CNTNAP2: variants seen among roughly 807,000 people sequenced by gnomAD.
The protein encoded by CNTNAP2 is contactin-associated protein-like 2.
CNTNAP2 carries 98 observed loss-of-function variants against 155.2 expected under a neutral mutation model. That is an observed-to-expected ratio of 0.63 (90% CI 0.54 to 0.75). The LOEUF is 0.75. Among genes scored for constraint, CNTNAP2 ranks in the 30% least tolerant of loss-of-function variants. The pLI, the probability that CNTNAP2 is intolerant of heterozygous loss-of-function variation, is 0.00. For missense variants in CNTNAP2, 1,727 were observed against 1,688.1 expected (o/e 1.02, Z -0.40); for synonymous variants, 651 against 631.2 (o/e 1.03, Z -0.47).
At chr7:147,120,739 G>A (rs1196219473) in intron 5 of CNTNAP2, among the ~76,000 whole-genome samples, 2 of 150,522 alleles carry the variant, frequency 1.3e-5, no homozygotes, top group African/African-American at 2.4e-5. Context: ...CCACTAACTC[G>A]TCATCTAGCA....
chr7:148,329,422 G>A lies in CNTNAP2; in HGVS notation c.3476-54227G>A, dbSNP rs576392671. Among the ~76,000 whole-genome samples, 530 of 152,290 alleles carry A rather than the reference G, an allele frequency of 3.5e-3. 13 individuals are homozygous for A. The highest frequency in any genetic ancestry group is 4.4e-4 in the Non-Finnish European group (30 of 68,024). On this transcript the variant is annotated intron_variant, in intron 21 of 23. Coordinates refer to ENST00000361727, the MANE Select transcript of CNTNAP2 (RefSeq NM_014141.6). ...TCACGGACAGCCCCCTGTGGACAAGGCATGGTGGCGGGCTGGGGACAGTCT... is the reference window on the plus strand; with the variant it reads ...TCACGGACAGCCCCCTGTGGACAAGACATGGTGGCGGGCTGGGGACAGTCT...
intron 8 of CNTNAP2, among the ~76,000 whole-genome samples, chr7:147,180,730 A>G (rs1295212291): frequency 3.3e-5 from 5 of 152,206 alleles, no homozygotes; most frequent in Non-Finnish European, 5.9e-5. Flanking sequence ...CCTTCATTCA[A>G]TTTTTAACTA....
intron 1 of CNTNAP2, among the ~76,000 whole-genome samples, chr7:146,669,028 A>G (rs1430148366): frequency 6.6e-6 from 1 of 152,154 alleles, no homozygotes; most frequent in African/African-American, 2.4e-5. Context: ...GTTCCTGCAT[A>G]TTCTATAAAT....
intron 9 of CNTNAP2, 75 bp from the exon 10 acceptor site, chr7:147,395,534 T>G (rs1584922762): frequency 2.1e-6 from 3 of 1,431,662 alleles, no homozygotes; most frequent in Non-Finnish European, 2.9e-6. Flanking sequence ...TGTGGCCAGG[T>G]AGAATACCCA....
intron 1 of CNTNAP2, among the ~76,000 whole-genome samples, chr7:146,519,176 T>C (rs1563116878): frequency 6.6e-6 from 1 of 151,838 alleles, no homozygotes; most frequent in African/African-American, 2.4e-5. Flanking sequence ...TGAGTATTGA[T>C]AATATAAGGC....
At chr7:147,093,267 A>G (rs1037387321) in intron 4 of CNTNAP2, among the ~76,000 whole-genome samples, 2 of 151,028 alleles carry the variant, frequency 1.3e-5, no homozygotes, top group Admixed American at 1.3e-4. Flanking sequence ...AAAGAAAAAG[A>G]AAAGGTGTAC....
intron 2 of CNTNAP2, among the ~76,000 whole-genome samples, chr7:146,798,466 TGGGTA>T (rs938407326): frequency 2.6e-5 from 4 of 152,022 alleles, no homozygotes; most frequent in Non-Finnish European, 5.9e-5. Flanking sequence ...CTCAGCCTCC[TGGGTA>T]GCTGGGATTA....
chr7:147,124,443 G>A (rs951535504), intron 6 of CNTNAP2, among the ~76,000 whole-genome samples: 6 of 152,138 alleles, frequency 3.9e-5, no homozygotes. Context: ...CTGATATATA[G>A]CATTTGTTAA....
At chr7:146,590,019 T>C (rs1798757151) in intron 1 of CNTNAP2, among the ~76,000 whole-genome samples, 2 of 152,210 alleles carry the variant, frequency 1.3e-5, no homozygotes, top group Admixed American at 1.3e-4. Context: ...CTTCTGACTC[T>C]GTCTACGGAG....
chr7:148,137,293 A>G (rs1321069896), intron 16 of CNTNAP2, among the ~76,000 whole-genome samples: 1 of 152,240 alleles, frequency 6.6e-6, no homozygotes, highest in Non-Finnish European at 1.5e-5. Context: ...TTGGTTATGC[A>G]TCTCTTGTGA....
intron 15 of CNTNAP2, among the ~76,000 whole-genome samples, chr7:148,109,970 T>C (rs1235792688): frequency 1.3e-5 from 2 of 152,136 alleles, no homozygotes; most frequent in Non-Finnish European, 2.9e-5. Context: ...CAGACCCCCA[T>C]TAAACTTGTT....
intron 8 of CNTNAP2, among the ~76,000 whole-genome samples, chr7:147,254,291 C>G (rs1472461714): frequency 6.6e-6 from 1 of 152,068 alleles, no homozygotes; most frequent in African/African-American, 2.4e-5. Flanking sequence ...TTTCGTAATG[C>G]CACTTACAAT....
At chr7:147,727,394 A>G (rs1796663188) in intron 13 of CNTNAP2, among the ~76,000 whole-genome samples, 2 of 152,166 alleles carry the variant, frequency 1.3e-5, no homozygotes, top group East Asian at 1.9e-4. Flanking sequence ...CACCCTGGCC[A>G]TGTTAATTCC....
intron 21 of CNTNAP2, among the ~76,000 whole-genome samples, chr7:148,346,648 T>G (rs1222612913): frequency 6.6e-6 from 1 of 151,786 alleles, no homozygotes; most frequent in Non-Finnish European, 1.5e-5. Flanking sequence ...GGCAGGCACC[T>G]ATAATCCCAG....
intron 2 of CNTNAP2, among the ~76,000 whole-genome samples, chr7:146,783,216 TGTA>T (rs1288510402): frequency 2.0e-5 from 3 of 152,180 alleles, no homozygotes; most frequent in African/African-American, 7.2e-5. Context: ...GAAACTAACA[TGTA>T]GTTATAAGCC....
At chr7:147,848,562 T>G (rs896176384) in intron 13 of CNTNAP2, among the ~76,000 whole-genome samples, 3 of 151,612 alleles carry the variant, frequency 2.0e-5, no homozygotes, top group African/African-American at 7.3e-5. Flanking sequence ...GTCTTCTGCG[T>G]CACTCACGCT....
At chr7:147,541,762 T>C (rs898299919) in intron 11 of CNTNAP2, among the ~76,000 whole-genome samples, 1 of 152,218 alleles carries the variant, frequency 6.6e-6, no homozygotes, top group African/African-American at 2.4e-5. Flanking sequence ...CATATTATGT[T>C]TAATGATTAA....
intron 3 of CNTNAP2, among the ~76,000 whole-genome samples, chr7:146,969,004 T>G (rs977690774): frequency 8.0e-5 from 12 of 149,618 alleles, no homozygotes; most frequent in Non-Finnish European, 1.8e-4. Context: ...GATTCTGGTA[T>G]GTTCTGTCTT....
chr7:146,253,070 C>G (rs1470919948), intron 1 of CNTNAP2, among the ~76,000 whole-genome samples: 1 of 152,144 alleles, frequency 6.6e-6, no homozygotes, highest in African/African-American at 2.4e-5. Context: ...TATGAGCCAC[C>G]ACAATACTCA....
Sources: gnomAD v4.1 joint callset for allele counts (sites outside exome capture counted in the v4.1 genomes callset) on GRCh38, gnomAD v4.1.1 for gene constraint, MANE v1.5 for transcripts, NCBI Gene and HGNC (gene_info 2026-07-23, HGNC 2026-07-21) for gene names.